Variants in DTNBP1 observed in about 807,000 individuals in gnomAD.
The protein encoded by DTNBP1 is dystrobrevin binding protein 1, also known as dysbindin.
A neutral mutation model predicts 42.8 loss-of-function variants in DTNBP1; 35 were observed. The ratio of observed to expected loss-of-function variants is 0.82; its 90% CI spans 0.63 to 1.09. The LOEUF (loss-of-function observed/expected upper bound fraction) is 1.09. DTNBP1 is among the 50% of genes least tolerant of loss of function. The pLI, the probability that DTNBP1 is intolerant of heterozygous loss-of-function variation, is 0.00. For synonymous variants in DTNBP1, 171 were observed against 162.2 expected, an observed-to-expected ratio of 1.05 and a Z score of -0.41; for missense variants, 457 against 424.2, an observed-to-expected ratio of 1.08 and a Z score of -0.68.
intron 7 of DTNBP1, among the ~76,000 whole-genome samples, chr6:15,566,514 AAGAC>A (rs1201190638): frequency 1.3e-5 from 2 of 152,044 alleles, no homozygotes; most frequent in Non-Finnish European, 2.9e-5. Flanking sequence ...CACAGATCCT[AAGAC>A]AGACAGAACA....
intron 6 of DTNBP1, among the ~76,000 whole-genome samples, chr6:15,604,717 T>A (rs1039090511): frequency 6.6e-6 from 1 of 152,136 alleles, no homozygotes; most frequent in Non-Finnish European, 1.5e-5. Flanking sequence ...AAAGATTTTC[T>A]AAATATAGTC....
intron 7 of DTNBP1, among the ~76,000 whole-genome samples, chr6:15,558,651 G>C (rs1277511761): frequency 6.6e-6 from 1 of 152,144 alleles, no homozygotes; most frequent in Non-Finnish European, 1.5e-5. Context: ...ACACTCTCTT[G>C]AAAAACTAAT....
chr6:15,524,126 C>T (rs1772163147), intron 9 of DTNBP1: 6 of 1,365,770 alleles, frequency 4.4e-6, no homozygotes, highest in Non-Finnish European at 4.8e-6. Flanking sequence ...CCATGGCAGG[C>T]ACGCCCCTAA....
intron 7 of DTNBP1, chr6:15,579,994 T>A: frequency 4.3e-6 from 1 of 234,994 alleles, no homozygotes; most frequent in Non-Finnish European, 9.0e-6. Flanking sequence ...GCAAAACAAT[T>A]CATTTGAATA....
intron 7 of DTNBP1, among the ~76,000 whole-genome samples, chr6:15,538,777 C>CCA (rs1316616899): frequency 2.0e-5 from 3 of 152,184 alleles, no homozygotes; most frequent in Non-Finnish European, 4.4e-5. Flanking sequence ...TGCTATTACT[C>CCA]CGGAAAATCT....
At chr6:15,647,466 GAGTTCAAAAGCACATTTGAGA>G (rs981019564) in intron 3 of DTNBP1, among the ~76,000 whole-genome samples, 6 of 151,428 alleles carry the variant, frequency 4.0e-5, no homozygotes, top group Non-Finnish European at 7.4e-5. Context: ...TTCACTGGAG[GAGTTCAAAAGCACATTTGAGA>G]AGAAAGAATC....
At chr6:15,563,101 C>A (rs1581326910) in intron 7 of DTNBP1, among the ~76,000 whole-genome samples, 1 of 152,314 alleles carries the variant, frequency 6.6e-6, no homozygotes, top group African/African-American at 2.4e-5. Context: ...CTGGCCATAT[C>A]CCACCTACAC....
chr6:15,545,899 A>C, intron 7 of DTNBP1: 1 of 319,544 alleles, frequency 3.1e-6, no homozygotes, highest in South Asian at 2.6e-5. Context: ...TTTTATGGGA[A>C]GGGCAAGGCA....
chr6:15,649,017 G>A (rs975030950), intron 3 of DTNBP1, among the ~76,000 whole-genome samples: 9 of 152,220 alleles, frequency 5.9e-5, no homozygotes, highest in Non-Finnish European at 1.0e-4. Flanking sequence ...AATAGCGAGC[G>A]TTGGTGAGGA....
intron 5 of DTNBP1, among the ~76,000 whole-genome samples, chr6:15,623,824 T>A (rs914915633): frequency 2.0e-5 from 3 of 152,210 alleles, no homozygotes; most frequent in African/African-American, 7.2e-5. Flanking sequence ...GTGCATAGAA[T>A]CTGGATAAAA....
chr6:15,584,705 CTTTTTT>C (rs147548247), intron 7 of DTNBP1, among the ~76,000 whole-genome samples: 2 of 86,410 alleles, frequency 2.3e-5, no homozygotes, highest in African/African-American at 3.9e-5. Flanking sequence ...ACATGTATTT[CTTTTTT>C]TTTTTTTTTT....
rs79358774 is a variant in DTNBP1, at chr6:15,652,109, C to T, written c.88G>A (p.Ala30Thr). 3.7e-5 allele frequency: 59 copies of T among 1,612,840 alleles called. No homozygotes were observed. The highest frequency in any genetic ancestry group is 1.5e-5 in the Non-Finnish European group (18 of 1,179,200). The change falls in exon 2 of 10, where the codon GCA becomes ACA. Residue 30 changes from alanine (A) to threonine (T), a missense_variant. Coordinates refer to ENST00000344537, the MANE Select transcript of DTNBP1 (RefSeq NM_032122.5). ...TACCTGGGTTTGCTTTTCACTTTTG[C>T]TTCTCTTGACTTGTCACTTAAAGTC... ...LKTLSDKSRE[A>T]KVKSKPRTVP...
In DTNBP1 at chr6:15,627,423, GTCTT is replaced by G. The variant is rs769931499; in HGVS notation, c.271_274del (p.Lys91GlnfsTer16). ...CTGCTCTTGCAGCTCCACGAGGCTT[GTCTT>G]TTTCTTCTCCCAGTGCGCAGAAAGC... On this transcript the variant is annotated frameshift_variant, in exon 5 of 10. Transcript: ENST00000344537. LOFTEE classifies it high-confidence loss of function. 7 of 1,613,974 alleles carry G rather than the reference GTCTT, an allele frequency of 4.3e-6. No homozygotes were observed. Among genetic ancestry groups the G allele is most frequent in the Non-Finnish European group, 5.9e-6 (7 of 1,179,968 alleles).
intron 9 of DTNBP1, chr6:15,524,174 C>G: frequency 6.9e-7 from 1 of 1,447,962 alleles, no homozygotes; most frequent in East Asian, 3.0e-5. Flanking sequence ...TTCCCGTGAG[C>G]CCCGCAGGAG....
intron 9 of DTNBP1, 143 bp downstream of exon 9, chr6:15,524,383 C>T (rs997126671): frequency 9.3e-6 from 15 of 1,613,798 alleles, no homozygotes; most frequent in African/African-American, 5.3e-5. Context: ...CGTGTGGAAC[C>T]GTGGGGTTAG....
intron 7 of DTNBP1, among the ~76,000 whole-genome samples, chr6:15,537,534 T>G (rs1021468384): frequency 3.3e-5 from 5 of 152,082 alleles, no homozygotes; most frequent in African/African-American, 1.2e-4. Flanking sequence ...GACATGAGAT[T>G]TGGGAGGGGC....
chr6:15,526,644 G>C (rs1288101074), intron 8 of DTNBP1, among the ~76,000 whole-genome samples: 1 of 152,190 alleles, frequency 6.6e-6, no homozygotes, highest in Non-Finnish European at 1.5e-5. Flanking sequence ...GATCTTCAAG[G>C]CTGAGTGGTC....
intron 3 of DTNBP1, among the ~76,000 whole-genome samples, chr6:15,640,102 C>CTT (rs1760256240): frequency 6.6e-6 from 1 of 152,218 alleles, no homozygotes. Context: ...ATATTCTCTG[C>CTT]TCTACTTTTA....
intron 6 of DTNBP1, among the ~76,000 whole-genome samples, chr6:15,595,518 C>T (rs1368335145): frequency 2.6e-5 from 4 of 152,178 alleles, no homozygotes; most frequent in Admixed American, 2.0e-4. Flanking sequence ...CCACCTGCCT[C>T]GGCCTCCCAA....
Sources: allele counts gnomAD v4.1 joint callset (sites outside exome capture counted in the v4.1 genomes callset), GRCh38; gene constraint gnomAD v4.1.1; transcripts MANE v1.5; gene names NCBI Gene and HGNC (gene_info 2026-07-23, HGNC 2026-07-21).